The following DLGAP1 variants were observed in gnomAD, a reference collection of about 807,000 sequenced individuals.
The protein encoded by DLGAP1 is DLG associated protein 1, also known as disks large-associated protein 1.
DLGAP1 carries 11 observed loss-of-function variants against 90.8 expected under a neutral mutation model. The observed-to-expected ratio is 0.12, with a 90% CI of 0.08 to 0.20. DLGAP1 has a LOEUF of 0.20. DLGAP1 is among the 10% of genes least tolerant of loss of function. DLGAP1 has a pLI of 1.00. For missense variants in DLGAP1, 1,050 were observed against 1,333.8 expected, an observed-to-expected ratio of 0.79 and a Z score of 3.31; for synonymous variants, 558 against 540.7, an observed-to-expected ratio of 1.03 and a Z score of -0.44.
intron 2 of DLGAP1, among the ~76,000 whole-genome samples, chr18:4,077,384 C>A (rs1436059077): frequency 6.6e-6 from 1 of 152,218 alleles, no homozygotes; most frequent in Non-Finnish European, 1.5e-5. Flanking sequence ...TTTGTCCCCA[C>A]CAAACCTCCT....
chr18:3,637,860 G>C (rs547570664), intron 7 of DLGAP1, among the ~76,000 whole-genome samples: 2 of 150,716 alleles, frequency 1.3e-5, no homozygotes, highest in African/African-American at 2.5e-5. Flanking sequence ...CCTGACTTAC[G>C]TTTCTTTGGC....
intron 3 of DLGAP1, among the ~76,000 whole-genome samples, chr18:3,943,863 G>A (rs1381121474): frequency 2.6e-5 from 4 of 152,158 alleles, no homozygotes; most frequent in African/African-American, 9.7e-5. Context: ...AAGAAGAGGA[G>A]ATTAGGACAC....
intron 1 of DLGAP1, among the ~76,000 whole-genome samples, chr18:4,350,358 T>A (rs2081381244): frequency 1.3e-5 from 2 of 152,164 alleles, no homozygotes; most frequent in Admixed American, 6.6e-5. Flanking sequence ...AAAAAACAAA[T>A]TTTAAATGAG....
chr18:3,803,857 T>A (rs897447824), intron 5 of DLGAP1, among the ~76,000 whole-genome samples: 2 of 151,652 alleles, frequency 1.3e-5, no homozygotes, highest in Non-Finnish European at 2.9e-5. Context: ...ATTTGATGAC[T>A]GTTATTTATA....
intron 7 of DLGAP1, among the ~76,000 whole-genome samples, chr18:3,712,917 C>T (rs2061642281): frequency 6.6e-6 from 1 of 152,206 alleles, no homozygotes; most frequent in Non-Finnish European, 1.5e-5. Context: ...TGAAGTTGTT[C>T]TACTGGTACT....
chr18:4,294,772 G>C (rs1016322446), intron 1 of DLGAP1: 4 of 152,372 alleles, frequency 2.6e-5, no homozygotes, highest in Admixed American at 6.5e-5. Context: ...GTGACACAGG[G>C]ACTTGAAGGA....
chr18:4,388,772 T>A (rs2082284898), intron 1 of DLGAP1, among the ~76,000 whole-genome samples: 1 of 152,158 alleles, frequency 6.6e-6, no homozygotes, highest in Non-Finnish European at 1.5e-5. Flanking sequence ...AATTATCTCA[T>A]ATACGTATCA....
chr18:3,814,314 C>A lies in DLGAP1; in HGVS notation c.958-41G>T. 1.9e-6 allele frequency: 3 copies of A among 1,548,254 alleles called. No individual in the cohort carries two copies. In the South Asian group the frequency reaches 3.6e-5, roughly 19 times the overall value. On this transcript the variant is annotated intron_variant, in intron 4 of 12. Coordinates refer to ENST00000315677, the MANE Select transcript of DLGAP1 (RefSeq NM_004746.4). ...ACAGATAAATCACTTTTTATAAAAG[C>A]CTACCTTTTTCTTTTCTTTTTCTTT...
At chr18:4,409,542 C>T (rs1425721490) in intron 1 of DLGAP1, among the ~76,000 whole-genome samples, 1 of 152,072 alleles carries the variant, frequency 6.6e-6, no homozygotes, top group Admixed American at 6.6e-5. Context: ...TGAGAGACAA[C>T]GACTTTAGTT....
At chr18:4,077,897 T>C (rs2075547878) in intron 2 of DLGAP1, among the ~76,000 whole-genome samples, 1 of 152,170 alleles carries the variant, frequency 6.6e-6, no homozygotes, top group Non-Finnish European at 1.5e-5. Context: ...CACTCGGTAC[T>C]CAAGAGCTCT....
At position 3,574,837 on chromosome 18, in the gene DLGAP1, C is replaced by CA. The variant is rs2055020231; in HGVS notation, c.1965+7037dup. ...TTATTTTATTTTATTTATTTTGAGA[C>CA]AGAGTCTGGCTCTGTCGCCCAGGCT... On this transcript the variant is annotated intron_variant, in intron 8 of 12. Coordinates refer to ENST00000315677, the MANE Select transcript of DLGAP1 (RefSeq NM_004746.4). Among the ~76,000 whole-genome samples the CA allele has an allele frequency of 2.2e-5, 3 of 133,592 alleles. No individual in the cohort carries two copies. The South Asian group carries it at 7.1e-4, about 32-fold the overall frequency. 87.6% of individuals were successfully genotyped at this position (133,592 alleles called of 152,430 possible). A position where few individuals can be genotyped will look rare whatever the true frequency, so the allele number is the denominator to read the frequency against.
At position 4,312,402 on chromosome 18, in the gene DLGAP1, G is replaced by C. The variant is rs138709691; in HGVS notation, c.-267+142604C>G. Among the ~76,000 whole-genome samples the C allele has an allele frequency of 1.6e-3, 250 of 152,270 alleles. 2 individuals are homozygous for C. Among genetic ancestry groups the C allele is most frequent in the African/African-American group, 5.8e-3 (240 of 41,540 alleles). On this transcript the variant is annotated intron_variant, in intron 1 of 12. Coordinates refer to ENST00000315677, the MANE Select transcript of DLGAP1 (RefSeq NM_004746.4). Reference sequence around the variant, plus strand: ...GTGATACAGATGGTCCCCAATTTATGATGGTTCCACTTAAAAAATTTTTCA... The same window carrying C: ...GTGATACAGATGGTCCCCAATTTATCATGGTTCCACTTAAAAAATTTTTCA...
At chr18:3,681,892 T>C (rs1170852395) in intron 7 of DLGAP1, among the ~76,000 whole-genome samples, 5 of 151,824 alleles carry the variant, frequency 3.3e-5, no homozygotes, top group Admixed American at 3.3e-4. Context: ...CTGAGGTGGG[T>C]GGATCACTTG....
intron 10 of DLGAP1, among the ~76,000 whole-genome samples, chr18:3,533,343 G>A (rs2052136965): frequency 6.6e-6 from 1 of 152,198 alleles, no homozygotes; most frequent in Non-Finnish European, 1.5e-5. Flanking sequence ...CCATTCAACT[G>A]TAATAAGATT....
At chr18:3,972,326 A>G (rs2073468292) in intron 3 of DLGAP1, among the ~76,000 whole-genome samples, 1 of 152,190 alleles carries the variant, frequency 6.6e-6, no homozygotes, top group Non-Finnish European at 1.5e-5. Context: ...AGCCTGGGCA[A>G]CATGGCAAAA....
At chr18:4,126,852 C>T (rs1447715397) in intron 2 of DLGAP1, among the ~76,000 whole-genome samples, 1 of 152,122 alleles carries the variant, frequency 6.6e-6, no homozygotes, top group East Asian at 1.9e-4. Flanking sequence ...AGGATAAAAC[C>T]TCTTCAGACA....
intron 1 of DLGAP1, among the ~76,000 whole-genome samples, chr18:4,306,072 G>T (rs2080251570): frequency 7.1e-6 from 1 of 140,058 alleles, no homozygotes; most frequent in Non-Finnish European, 1.6e-5. Flanking sequence ...ACACGGGGGA[G>T]AGGGGGGCGG....
intron 7 of DLGAP1, among the ~76,000 whole-genome samples, chr18:3,601,437 A>AGG (rs1384649580): frequency 2.0e-5 from 3 of 150,258 alleles, no homozygotes; most frequent in East Asian, 4.1e-4. Context: ...CACATATGCA[A>AGG]GGGTGTGTGT....
chr18:4,433,074 T>C (rs1567918695), intron 1 of DLGAP1, among the ~76,000 whole-genome samples: 1 of 152,184 alleles, frequency 6.6e-6, no homozygotes, highest in Non-Finnish European at 1.5e-5. Context: ...GCTGGAGATT[T>C]TTTTCCCCAT....
Sources: allele counts gnomAD v4.1 joint callset (sites outside exome capture counted in the v4.1 genomes callset), GRCh38; gene constraint gnomAD v4.1.1; transcripts MANE v1.5; gene names NCBI Gene and HGNC (gene_info 2026-07-23, HGNC 2026-07-21).